Variants in TENM2 observed in about 807,000 individuals in gnomAD.
TENM2 encodes the protein teneurin-2.
A neutral mutation model predicts 245.2 loss-of-function variants in TENM2; 52 were observed. That is an observed-to-expected ratio of 0.21 (90% confidence interval 0.17 to 0.27). The LOEUF is 0.27. Ranked by LOEUF, TENM2 falls within the 10% of genes least tolerant of loss-of-function variation. The probability of loss-of-function intolerance (pLI) is 1.00; values close to 1 mark genes in which losing one functional copy is unlikely to be tolerated. For missense variants in TENM2, 3,046 were observed against 3,666.8 expected (o/e 0.83, Z 4.37); for synonymous variants, 1,363 against 1,438.9 (o/e 0.95, Z 1.19).
chr5:167,930,112 G>A (rs893505362), intron 3 of TENM2, among the ~76,000 whole-genome samples: 4 of 152,146 alleles, frequency 2.6e-5, no homozygotes, highest in South Asian at 2.1e-4. Context: ...CAGGGAAATC[G>A]CAGTTTTTAC....
At chr5:167,118,335 T>C in the TENM2 span, among the ~76,000 whole-genome samples, 1 of 152,196 alleles carries the variant, frequency 6.6e-6, no homozygotes. Context: ...TTATGCTTTC[T>C]TTACCCAGCT....
intron 2 of TENM2, among the ~76,000 whole-genome samples, chr5:167,612,025 C>T (rs976769914): frequency 1.3e-5 from 2 of 152,102 alleles, no homozygotes; most frequent in African/African-American, 4.8e-5. Flanking sequence ...TCCGTATTTC[C>T]ACCCTACAAG....
At chr5:167,235,149 T>C in the TENM2 span, among the ~76,000 whole-genome samples, 10 of 152,304 alleles carry the variant, frequency 6.6e-5, no homozygotes, top group East Asian at 5.8e-4. Flanking sequence ...GATGGCTTTT[T>C]CCCCTGTCTT....
At chr5:167,114,451 G>T in the TENM2 span, among the ~76,000 whole-genome samples, 1 of 152,144 alleles carries the variant, frequency 6.6e-6, no homozygotes, top group Non-Finnish European at 1.5e-5. Flanking sequence ...AGTTTCACTT[G>T]TATTATCAGG....
chr5:167,051,029 G>A, the TENM2 span, among the ~76,000 whole-genome samples: 2 of 152,034 alleles, frequency 1.3e-5, no homozygotes, highest in East Asian at 1.9e-4. Context: ...TCCCCCTGTG[G>A]CCTCTCTGTT....
chr5:168,177,289 G>GT (rs1444075023), intron 13 of TENM2, among the ~76,000 whole-genome samples: 1 of 152,146 alleles, frequency 6.6e-6, no homozygotes, highest in African/African-American at 2.4e-5. Flanking sequence ...TAAACAAATG[G>GT]TTACTATACA....
At chr5:168,253,571 GC>G (rs1201970103) in intron 27 of TENM2, among the ~76,000 whole-genome samples, 2 of 151,690 alleles carry the variant, frequency 1.3e-5, no homozygotes, top group Non-Finnish European at 2.9e-5. Context: ...AACTACAGGC[GC>G]CCGCCACCAC....
chr5:167,191,670 C>T, the TENM2 span, among the ~76,000 whole-genome samples: 31 of 151,912 alleles, frequency 2.0e-4, no homozygotes, highest in Admixed American at 3.3e-4. Context: ...GGGCCAAGAG[C>T]AATGTAGGAT....
intron 2 of TENM2, among the ~76,000 whole-genome samples, chr5:167,533,337 A>C (rs1401274833): frequency 6.6e-6 from 1 of 152,154 alleles, no homozygotes; most frequent in Non-Finnish European, 1.5e-5. Context: ...GTGGTTTTGG[A>C]AAGTTTTATT....
chr5:167,941,056 A>G (rs1158130689), intron 3 of TENM2, among the ~76,000 whole-genome samples: 1 of 152,254 alleles, frequency 6.6e-6, no homozygotes, highest in Non-Finnish European at 1.5e-5. Context: ...AGAATGTTTC[A>G]GTAACCCAAG....
intron 3 of TENM2, among the ~76,000 whole-genome samples, chr5:167,919,226 T>A (rs1486229654): frequency 6.6e-6 from 1 of 152,210 alleles, no homozygotes; most frequent in Non-Finnish European, 1.5e-5. Context: ...CTTATCTCCC[T>A]CGACACAGAG....
At chr5:168,172,425 G>T (rs1021209269) in intron 13 of TENM2, among the ~76,000 whole-genome samples, 4 of 152,172 alleles carry the variant, frequency 2.6e-5, no homozygotes, top group Admixed American at 2.0e-4. Flanking sequence ...AATAAATCAT[G>T]ACAATCCCCA....
At chr5:167,505,992 G>GT (rs1243222955) in intron 2 of TENM2, among the ~76,000 whole-genome samples, 7 of 151,904 alleles carry the variant, frequency 4.6e-5, no homozygotes. Context: ...GCAAGCCTGG[G>GT]TAACATAGTG....
Position 168,034,119 on chromosome 5 carries a change from GTGTATATATATATATGTATACATATATA to G in TENM2, c.1187-13304_1187-13277del, listed in dbSNP as rs1562077427. Among the ~76,000 whole-genome samples the G allele has an allele frequency of 2.7e-3, 314 of 114,740 alleles. 4 individuals carry two copies. Among genetic ancestry groups the G allele is most frequent in the African/African-American group, 0.012 (279 of 23,190 alleles). 75.3% of individuals were successfully genotyped at this position (114,740 alleles called of 152,430 possible). On this transcript the variant is annotated intron_variant, in intron 5 of 28. Transcript: ENST00000518659. ...TATATATATATGTATACATATATATGTGTATATATATATATGTATACATATATATGTGTATATATATATGTATATATAT... is the reference window on the plus strand; with the variant it reads ...TATATATATATGTATACATATATATGTGTGTATATATATATGTATATATAT...
At chr5:167,744,738 G>A (rs1761436123) in intron 2 of TENM2, among the ~76,000 whole-genome samples, 1 of 152,012 alleles carries the variant, frequency 6.6e-6, no homozygotes. Context: ...GATAGCTTTG[G>A]GGAAATGGCA....
At chr5:167,454,976 G>T (rs1172442462) in intron 2 of TENM2, among the ~76,000 whole-genome samples, 1 of 152,214 alleles carries the variant, frequency 6.6e-6, no homozygotes, top group Non-Finnish European at 1.5e-5. Context: ...AAGGGAGAGA[G>T]TAGTGAAAGA....
chr5:167,525,675 G>A (rs1771063655), intron 2 of TENM2, among the ~76,000 whole-genome samples: 1 of 152,068 alleles, frequency 6.6e-6, no homozygotes, highest in South Asian at 2.1e-4. Flanking sequence ...TGTTCCTGTG[G>A]TGATTTCTCA....
At chr5:167,851,182 T>C (rs1770546810) in intron 2 of TENM2, among the ~76,000 whole-genome samples, 1 of 152,128 alleles carries the variant, frequency 6.6e-6, no homozygotes, top group Admixed American at 6.5e-5. Context: ...TTGATGTGTG[T>C]TATCATCTGG....
chr5:167,712,274 A>G (rs540604498), intron 2 of TENM2, among the ~76,000 whole-genome samples: 1 of 152,356 alleles, frequency 6.6e-6, no homozygotes, highest in Admixed American at 6.5e-5. Context: ...TGTATATTCC[A>G]TTAACAAGTT....
Sources: gnomAD v4.1 joint callset for allele counts (sites outside exome capture counted in the v4.1 genomes callset) on GRCh38, gnomAD v4.1.1 for gene constraint, MANE v1.5 for transcripts, NCBI Gene and HGNC (gene_info 2026-07-23, HGNC 2026-07-21) for gene names.